Variants in PACSIN2 observed in about 807,000 individuals in gnomAD.
PACSIN2 encodes protein kinase C and casein kinase substrate in neurons protein 2.
In PACSIN2, 25 loss-of-function variants were observed where a neutral mutation model predicts 63.8. The ratio of observed to expected loss-of-function variants is 0.39; its 90% CI spans 0.29 to 0.55. PACSIN2 has a LOEUF of 0.55. Among genes scored for constraint, PACSIN2 ranks in the 20% least tolerant of loss-of-function variants. PACSIN2 has a pLI of 0.62. For missense variants in PACSIN2, 518 were observed against 646.9 expected (o/e 0.80, Z 2.16); for synonymous variants, 255 against 256.2 (o/e 1.00, Z 0.05).
intron 1 of PACSIN2, among the ~76,000 whole-genome samples, chr22:43,007,786 A>C (rs1183790486): frequency 1.3e-5 from 2 of 152,198 alleles, no homozygotes; most frequent in Non-Finnish European, 1.5e-5. Context: ...CATCATCTTT[A>C]TCTCAGGATT....
At chr22:42,910,547 C>G (rs1020162431) in intron 2 of PACSIN2, among the ~76,000 whole-genome samples, 3 of 152,210 alleles carry the variant, frequency 2.0e-5, no homozygotes, top group African/African-American at 7.2e-5. Context: ...TCCAGGGGCA[C>G]CTCCAAACCA....
intron 1 of PACSIN2, among the ~76,000 whole-genome samples, chr22:42,960,498 CTG>C (rs1934092200): frequency 6.6e-6 from 1 of 152,160 alleles, no homozygotes; most frequent in East Asian, 1.9e-4. Context: ...AAATACGCAA[CTG>C]TGATTACATG....
Position 42,884,405 on chromosome 22 carries a change from C to A in PACSIN2, c.766G>T (p.Asp256Tyr). ...ACTTACCCAGCCACATTGGACAGGT[C>A]TAGGTGCTTCTGAACCTCCAGCAGA... ...EVLLEVQKHL[D>Y]LSNVAGYKAI... Residue 256 changes from aspartate to tyrosine, a missense_variant, in exon 6 of 11, where the codon GAC becomes TAC. Coordinates refer to ENST00000263246, the MANE Select transcript of PACSIN2 (RefSeq NM_001184970.3). The A allele has an allele frequency of 6.2e-7, 1 of 1,614,152 alleles. No individual in the cohort carries two copies. The highest frequency in any genetic ancestry group is 8.5e-7 in the Non-Finnish European group (1 of 1,180,000).
At chr22:42,898,698 C>G (rs911543537) in intron 2 of PACSIN2, among the ~76,000 whole-genome samples, 1 of 152,104 alleles carries the variant, frequency 6.6e-6, no homozygotes, top group Non-Finnish European at 1.5e-5. Context: ...TGCCCTTCCC[C>G]GAGCCCAGGA....
At chr22:42,883,875 A>T (rs191529712) in intron 6 of PACSIN2, among the ~76,000 whole-genome samples, 1 of 152,272 alleles carries the variant, frequency 6.6e-6, no homozygotes, top group Non-Finnish European at 1.5e-5. Context: ...GTGGTGGCGC[A>T]TGCCTGTAAT....
At position 42,920,793 on chromosome 22, in the gene PACSIN2, C is replaced by CT. The variant is rs745822264; in HGVS notation, c.-77-8637dup. 3.1e-3 allele frequency among the ~76,000 whole-genome samples: 240 copies of CT among 77,672 alleles called. 6 individuals are homozygous for CT. Among genetic ancestry groups the CT allele is most frequent in the East Asian group, 7.1e-3 (13 of 1,828 alleles). 51.0% of individuals were successfully genotyped at this position (77,672 alleles called of 152,430 possible). A position where few individuals can be genotyped will look rare whatever the true frequency, so the allele number is the denominator to read the frequency against. On this transcript the variant is annotated intron_variant, in intron 1 of 10. Coordinates refer to ENST00000263246, the MANE Select transcript of PACSIN2 (RefSeq NM_001184970.3). ...GGGTCAATTATCATGAATTATCACA[C>CT]TTTTTTTTTTTTTTTTTTTTTTTTT...
At chr22:42,984,235 G>A (rs1922450519) in intron 1 of PACSIN2, among the ~76,000 whole-genome samples, 1 of 152,030 alleles carries the variant, frequency 6.6e-6, no homozygotes, top group Non-Finnish European at 1.5e-5. Flanking sequence ...GCCTCCCACA[G>A]TGCTGGGATT....
intron 1 of PACSIN2, among the ~76,000 whole-genome samples, chr22:42,918,512 T>C (rs185284523): frequency 6.6e-6 from 1 of 152,334 alleles, no homozygotes; most frequent in East Asian, 1.9e-4. Context: ...AGATGTATTA[T>C]TGTTTCCATT....
chr22:42,880,792 G>GTCAAAT (rs1355331360), intron 7 of PACSIN2, among the ~76,000 whole-genome samples: 2 of 151,116 alleles, frequency 1.3e-5, no homozygotes, highest in East Asian at 3.9e-4. Context: ...GAGACAGACT[G>GTCAAAT]TCAAATAGTC....
intron 6 of PACSIN2, among the ~76,000 whole-genome samples, chr22:42,883,388 C>T (rs1315271384): frequency 1.3e-5 from 2 of 152,156 alleles, no homozygotes; most frequent in Non-Finnish European, 2.9e-5. Flanking sequence ...GGGAGACAAA[C>T]GGAATGTGTC....
intron 4 of PACSIN2, among the ~76,000 whole-genome samples, chr22:42,889,381 C>CACAT (rs1477480572): frequency 9.9e-5 from 15 of 151,766 alleles, no homozygotes; most frequent in Non-Finnish European, 1.6e-4. Flanking sequence ...TTTACACACA[C>CACAT]ACACACACAC....
At chr22:42,944,194 C>A (rs1209261401) in intron 1 of PACSIN2, among the ~76,000 whole-genome samples, 1 of 152,188 alleles carries the variant, frequency 6.6e-6, no homozygotes, top group Non-Finnish European at 1.5e-5. Context: ...TCAGCCTGGC[C>A]TGAGGGACTC....
At chr22:43,013,384 C>A (rs188740634) in intron 1 of PACSIN2, among the ~76,000 whole-genome samples, 25 of 152,358 alleles carry the variant, frequency 1.6e-4, no homozygotes, top group Admixed American at 5.2e-4. Context: ...GGCCTCATAT[C>A]TCAACCAGCA....
intron 2 of PACSIN2, chr22:42,909,340 T>C (rs1931295359): frequency 5.8e-6 from 2 of 346,124 alleles, no homozygotes; most frequent in Non-Finnish European, 1.2e-5. Context: ...GGAGTAAAAT[T>C]AAACACAAAA....
In PACSIN2 at chr22:42,876,267, G is replaced by C; in HGVS notation, c.1218C>G (p.Pro406=). The change falls in exon 10 of 11, where the codon CCC becomes CCG. Residue 406 remains proline (P), a synonymous_variant. Coordinates refer to ENST00000263246, the MANE Select transcript of PACSIN2 (RefSeq NM_001184970.3). The stretch of plus-strand genomic sequence containing the variant: ...CCCCATTGGCATCCGTGGAGGAGAA[G>C]GGGTTGTTAGACTCATCGTCTGACC... The part of the protein sequence containing the change: ...TDWSDDESNN[P]FSSTDANGDS... 4 of 1,614,230 alleles carry C rather than the reference G, an allele frequency of 2.5e-6. No individual in the cohort carries two copies. The highest frequency in any genetic ancestry group is 4.5e-5 in the East Asian group (2 of 44,878).
intron 1 of PACSIN2, among the ~76,000 whole-genome samples, chr22:42,956,659 T>C (rs1933929141): frequency 6.6e-6 from 1 of 152,142 alleles, no homozygotes; most frequent in Non-Finnish European, 1.5e-5. Flanking sequence ...TTCTAGAATC[T>C]GGTCTGGAGA....
In PACSIN2 at chr22:42,870,779, T is replaced by C. The variant is rs1284956588; in HGVS notation, c.*578A>G. Reference sequence around the variant, plus strand: ...GGCATAATTCCTTTCCTCAAACATCTGCCACCTGAGGCTAAGCCTACACAC... The same window carrying C: ...GGCATAATTCCTTTCCTCAAACATCCGCCACCTGAGGCTAAGCCTACACAC... On this transcript the variant is annotated 3_prime_UTR_variant, in exon 11 of 11. Coordinates refer to ENST00000263246, the MANE Select transcript of PACSIN2 (RefSeq NM_001184970.3). 6.6e-6 allele frequency: 1 copy of C among 152,426 alleles called. No individual in the cohort carries two copies. The highest frequency in any genetic ancestry group is 1.5e-5 in the Non-Finnish European group (1 of 68,202). 9.4% of individuals were successfully genotyped at this position (152,426 alleles called of 1,614,324 possible). A position where few individuals can be genotyped will look rare whatever the true frequency, so the allele number is the denominator to read the frequency against.
chr22:42,988,061 C>T (rs1020536038), intron 1 of PACSIN2, among the ~76,000 whole-genome samples: 6 of 151,928 alleles, frequency 3.9e-5, no homozygotes, highest in African/African-American at 9.7e-5. Context: ...CACTTGAACT[C>T]GGGAGGTGGA....
chr22:42,935,064 C>A (rs528448722), intron 1 of PACSIN2, among the ~76,000 whole-genome samples: 1 of 151,788 alleles, frequency 6.6e-6, no homozygotes, highest in Non-Finnish European at 1.5e-5. Context: ...TACAGGTGCC[C>A]GCCACCGCGC....
Sources: gnomAD v4.1 joint callset for allele counts (sites outside exome capture counted in the v4.1 genomes callset) on GRCh38, gnomAD v4.1.1 for gene constraint, MANE v1.5 for transcripts, NCBI Gene and HGNC (gene_info 2026-07-23, HGNC 2026-07-21) for gene names.